Variants in COL18A1 observed in about 807,000 individuals in gnomAD.
COL18A1 encodes collagen type XVIII alpha 1 chain.
COL18A1 carries 133 observed loss-of-function variants against 168.0 expected under a neutral mutation model. That is an observed-to-expected ratio of 0.79 (90% CI 0.69 to 0.91). The LOEUF is 0.91. Ranked by LOEUF, COL18A1 falls within the 40% of genes least tolerant of loss-of-function variation. The pLI, the probability that COL18A1 is intolerant of heterozygous loss-of-function variation, is 0.00. For missense variants in COL18A1, 2,126 were observed against 1,925.4 expected, an observed-to-expected ratio of 1.10 and a Z score of -1.95; for synonymous variants, 949 against 809.0, an observed-to-expected ratio of 1.17 and a Z score of -2.94.
At chr21:45,501,488 G>C (rs989995583) in intron 32 of COL18A1, among the ~76,000 whole-genome samples, 2 of 152,168 alleles carry the variant, frequency 1.3e-5, no homozygotes, top group South Asian at 4.1e-4. Context: ...CAAGTGGGAA[G>C]TGCCCACAGG....
At chr21:45,500,691 GGT>G (rs766073367) in intron 32 of COL18A1, among the ~76,000 whole-genome samples, 5 of 24,662 alleles carry the variant, frequency 2.0e-4, no homozygotes, top group Non-Finnish European at 2.8e-4. Flanking sequence ...GGTGTGGTTT[GGT>G]GTGTGTGTGT....
At position 45,473,891 on chromosome 21, in the gene COL18A1, T is replaced by G. The variant is rs1470646990; in HGVS notation, c.652-4T>G. On this transcript the variant is annotated splice_polypyrimidine_tract_variant and splice_region_variant and intron_variant, in intron 3 of 41. Transcript: ENST00000651438. The surrounding 1 kb of genome is among the most constrained non-coding windows in gnomAD (Gnocchi z 4.0). ...TGGTGACCCCTTTCTCTGTCTGCAT[T>G]TAGGGGGTGATCGCTGAGCTGAAGG... 1.3e-6 allele frequency: 2 copies of G among 1,596,982 alleles called. No individual in the cohort carries two copies. Among genetic ancestry groups the G allele is most frequent in the Non-Finnish European group, 1.7e-6 (2 of 1,172,078 alleles).
intron 4 of COL18A1, 60 bp downstream of exon 4, chr21:45,474,041 G>C: frequency 7.3e-7 from 1 of 1,367,424 alleles, no homozygotes; most frequent in Non-Finnish European, 1.0e-6. Flanking sequence ...GCGGAGTTCA[G>C]GGCCAAGGTC....
At chr21:45,456,953 T>G (rs2034851425) in intron 2 of COL18A1, 1 of 1,228,042 alleles carries the variant, frequency 8.1e-7, no homozygotes, top group Non-Finnish European at 1.1e-6. Flanking sequence ...GGGGCTGACG[T>G]GAGCCTGGTA....
intron 31 of COL18A1, 151 bp from the exon 32 acceptor site, chr21:45,497,448 C>A (rs751809370): frequency 1.2e-5 from 14 of 1,123,872 alleles, no homozygotes; most frequent in Non-Finnish European, 1.7e-5. Context: ...CGCCCCTGCT[C>A]TCCAGCAGCT....
chr21:45,460,508 G>C (rs2035005544), intron 2 of COL18A1, among the ~76,000 whole-genome samples: 1 of 152,318 alleles, frequency 6.6e-6, no homozygotes, highest in South Asian at 2.1e-4. Context: ...GCACGTGAAG[G>C]TCATGTCACC....
In COL18A1 at chr21:45,418,333, TC is replaced by T. The variant is rs563733174; in HGVS notation, c.106+12864del. Among the ~76,000 whole-genome samples, 780 of 151,982 alleles carry T rather than the reference TC, an allele frequency of 5.1e-3. 10 individuals are homozygous for T. The highest frequency in any genetic ancestry group is 0.018 in the African/African-American group (737 of 41,430). ...GCCTGCCCGCCAGCATCGCTGAGGG[TC>T]CCCGAGCTGGGGAGGGATGTCTCTG... On this transcript the variant is annotated intron_variant, in intron 2 of 41. Coordinates refer to ENST00000651438, the MANE Select transcript of COL18A1 (RefSeq NM_001379500.1).
rs1299214140 is a variant in COL18A1 at position 45,423,096 on chromosome 21, G to C, written c.106+17623G>C. ...CCCAGAGTGTTGGGATTATAGGTGTGAGCCACCGCACCCGGCCGAAGTGGT... is the reference window on the plus strand; with the variant it reads ...CCCAGAGTGTTGGGATTATAGGTGTCAGCCACCGCACCCGGCCGAAGTGGT... On this transcript the variant is annotated intron_variant, in intron 2 of 41. Coordinates refer to ENST00000651438, the MANE Select transcript of COL18A1 (RefSeq NM_001379500.1). The surrounding 1 kb of genome is among the most constrained non-coding windows in gnomAD (Gnocchi z 4.0). Among the ~76,000 whole-genome samples the C allele has an allele frequency of 1.3e-5, 2 of 152,118 alleles. No individual in the cohort carries two copies. Among genetic ancestry groups the C allele is most frequent in the Non-Finnish European group, 2.9e-5 (2 of 68,040 alleles).
At chr21:45,418,754 T>C in intron 2 of COL18A1, among the ~76,000 whole-genome samples, 1 of 152,194 alleles carries the variant, frequency 6.6e-6, no homozygotes, top group Non-Finnish European at 1.5e-5. Context: ...CGGCACCTCC[T>C]CAGGGGCCTC....
Position 45,428,173 on chromosome 21 carries a change from G to A in COL18A1, c.106+22700G>A, listed in dbSNP as rs544655352. Among the ~76,000 whole-genome samples, 215 of 152,318 alleles carry A rather than the reference G, an allele frequency of 1.4e-3. 3 individuals carry two copies. The highest frequency in any genetic ancestry group is 4.9e-3 in the African/African-American group (203 of 41,582). ...GGGTCCGGCGCTCCTGCAGGCAGGC[G>A]GCGTCTGGGCCTGGGGGCTCTCAGA... On this transcript the variant is annotated intron_variant, in intron 2 of 41. Coordinates refer to ENST00000651438, the MANE Select transcript of COL18A1 (RefSeq NM_001379500.1).
chr21:45,480,404 CAGG>C (rs1352499690), intron 11 of COL18A1, 60 bp from the exon 12 acceptor site: 3 of 1,613,304 alleles, frequency 1.9e-6, no homozygotes, highest in Non-Finnish European at 2.5e-6. Context: ...GGGCAGGGGC[CAGG>C]AGTAGGCCAG....
At chr21:45,494,284 G>C in intron 26 of COL18A1, 10 of 498,992 alleles carry the variant, frequency 2.0e-5, no homozygotes, top group South Asian at 4.1e-5. Context: ...TCAGGGTCCC[G>C]GGGCATGCAT....
In COL18A1 at chr21:45,453,003, ATATG is replaced by A. The variant is rs1025703845; in HGVS notation, c.107-15233_107-15230del. 1.7e-3 allele frequency among the ~76,000 whole-genome samples: 262 copies of A among 150,952 alleles called. 1 individual carries two copies. The highest frequency in any genetic ancestry group is 3.6e-3 in the Middle Eastern group (1 of 276). On this transcript the variant is annotated intron_variant, in intron 2 of 41. Transcript: ENST00000651438. ...GTATTCACATGTGACATGTGAGCCTATATGTATGTGTGTGATTGCGAGTATTCAT... is the reference window on the plus strand; with the variant it reads ...GTATTCACATGTGACATGTGAGCCTATATGTGTGTGATTGCGAGTATTCAT...
Position 45,512,565 on chromosome 21 carries a change from T to C in COL18A1, c.*167T>C. ...CAAGAAATAAAAGGAAGCCAAAGAG[T>C]GTATTTTTTTAAAAGTTTAAAACAG... On this transcript the variant is annotated 3_prime_UTR_variant, in exon 42 of 42. Coordinates refer to ENST00000651438, the MANE Select transcript of COL18A1 (RefSeq NM_001379500.1). The C allele has an allele frequency of 1.5e-6, 1 of 683,020 alleles. No individual in the cohort carries two copies. Among genetic ancestry groups the C allele is most frequent in the Non-Finnish European group, 2.5e-6 (1 of 407,010 alleles). 42.3% of individuals were successfully genotyped at this position (683,020 alleles called of 1,614,324 possible).
At chr21:45,491,076 G>A (rs954066207) in intron 21 of COL18A1, 149 bp from the exon 22 acceptor site, 1 of 847,980 alleles carries the variant, frequency 1.2e-6, no homozygotes, top group African/African-American at 1.7e-5. Flanking sequence ...TGCCCTGCCT[G>A]GCAGGGGGCT....
chr21:45,459,379 C>CA (rs1568884882), intron 2 of COL18A1, among the ~76,000 whole-genome samples: 1 of 152,204 alleles, frequency 6.6e-6, no homozygotes, highest in African/African-American at 2.4e-5. Context: ...GGCACCAGAA[C>CA]AGAGCCCTCG....
chr21:45,446,070 T>C (rs540315335), intron 2 of COL18A1, among the ~76,000 whole-genome samples: 10 of 152,332 alleles, frequency 6.6e-5, no homozygotes, highest in Admixed American at 2.0e-4. Flanking sequence ...TTTAGCTCTT[T>C]TATTTAAGAG....
At chr21:45,495,170 C>A in intron 28 of COL18A1, 188 bp from the exon 29 acceptor site, 2 of 662,444 alleles carry the variant, frequency 3.0e-6, no homozygotes. Flanking sequence ...GGCTCAGTCA[C>A]CTCCTCCCAA....
chr21:45,467,785 G>A (rs999174230), intron 2 of COL18A1, among the ~76,000 whole-genome samples: 2 of 152,048 alleles, frequency 1.3e-5, no homozygotes, highest in African/African-American at 4.8e-5. Flanking sequence ...AGGGCCGGGC[G>A]GGAAGGCTGC....
Sources: allele counts gnomAD v4.1 joint callset (sites outside exome capture counted in the v4.1 genomes callset), GRCh38; gene constraint gnomAD v4.1.1; non-coding constraint Gnocchi (gnomAD v3.1); transcripts MANE v1.5; gene names NCBI Gene and HGNC (gene_info 2026-07-23, HGNC 2026-07-21).